SMYD3: variants seen among roughly 807,000 people sequenced by gnomAD.
SMYD3 encodes the protein histone-lysine N-methyltransferase SMYD3.
SMYD3 carries 36 observed loss-of-function variants against 57.7 expected under a neutral mutation model. The observed-to-expected ratio is 0.62, with a 90% CI of 0.48 to 0.82. The LOEUF (loss-of-function observed/expected upper bound fraction) is 0.82. Ranked by LOEUF, SMYD3 falls within the 40% of genes least tolerant of loss-of-function variation. SMYD3 has a pLI of 0.00. For synonymous variants in SMYD3, 211 were observed against 195.0 expected (o/e 1.08, Z -0.68); for missense variants, 515 against 538.8 (o/e 0.96, Z 0.44).
At chr1:245,766,894 A>G (rs1232580298) in intron 10 of SMYD3, among the ~76,000 whole-genome samples, 1 of 152,228 alleles carries the variant, frequency 6.6e-6, no homozygotes, top group Non-Finnish European at 1.5e-5. Flanking sequence ...AAAGGAGAGC[A>G]TGAGGAAGCG....
chr1:245,961,013 C>A (rs927088048), intron 5 of SMYD3, among the ~76,000 whole-genome samples: 2 of 152,204 alleles, frequency 1.3e-5, no homozygotes, highest in Non-Finnish European at 2.9e-5. Flanking sequence ...CCTTCTCCCC[C>A]AAATCAATTC....
chr1:246,164,362 G>A (rs1572136979), intron 5 of SMYD3, among the ~76,000 whole-genome samples: 1 of 152,220 alleles, frequency 6.6e-6, no homozygotes, highest in South Asian at 2.1e-4. Flanking sequence ...GGAGGTTGCA[G>A]TGAGCTGCGA....
intron 1 of SMYD3, among the ~76,000 whole-genome samples, chr1:246,430,913 G>A (rs959790891): frequency 2.0e-5 from 3 of 152,148 alleles, no homozygotes; most frequent in African/African-American, 2.4e-5. Context: ...AACCAGGAAC[G>A]TGGGAAAAGA....
chr1:246,060,889 C>T (rs2060241199), intron 5 of SMYD3, among the ~76,000 whole-genome samples: 1 of 152,186 alleles, frequency 6.6e-6, no homozygotes. Context: ...CCTTTTCATT[C>T]CTAACAGAAT....
chr1:245,786,093 T>TTA (rs35256221), intron 10 of SMYD3, among the ~76,000 whole-genome samples: 5,241 of 140,152 alleles, frequency 0.037, 401 homozygotes, highest in African/African-American at 0.14. Context: ...TTTTTTTTTT[T>TTA]AAAAAGCAAT....
intron 5 of SMYD3, among the ~76,000 whole-genome samples, chr1:246,221,612 C>T (rs3949218): frequency 0.088 from 13,374 of 152,186 alleles, 1,039 homozygotes; most frequent in East Asian, 0.24. Context: ...ACGGGAAAGC[C>T]GCTTGCAGTG....
At chr1:246,148,592 C>T (rs1160631732) in intron 5 of SMYD3, among the ~76,000 whole-genome samples, 1 of 152,146 alleles carries the variant, frequency 6.6e-6, no homozygotes, top group Non-Finnish European at 1.5e-5. Context: ...CCGAAGATCA[C>T]ATAACACTAT....
intron 1 of SMYD3, among the ~76,000 whole-genome samples, chr1:246,490,307 T>A (rs2068249800): frequency 1.3e-5 from 2 of 152,276 alleles, no homozygotes; most frequent in East Asian, 3.9e-4. Context: ...GTAATAATAA[T>A]CAAGAGAAGG....
At chr1:246,251,151 T>G (rs1294202641) in intron 5 of SMYD3, among the ~76,000 whole-genome samples, 1 of 152,212 alleles carries the variant, frequency 6.6e-6, no homozygotes, top group Non-Finnish European at 1.5e-5. Context: ...AACATTGATT[T>G]GACTGGGTGA....
chr1:246,032,051 G>A (rs1190895521), intron 5 of SMYD3, among the ~76,000 whole-genome samples: 1 of 151,994 alleles, frequency 6.6e-6, no homozygotes, highest in African/African-American at 2.4e-5. Context: ...TTCTCAAACT[G>A]CTTAATAAAA....
At chr1:246,019,780 C>G (rs985952243) in intron 5 of SMYD3, among the ~76,000 whole-genome samples, 6 of 151,928 alleles carry the variant, frequency 3.9e-5, no homozygotes, top group African/African-American at 1.4e-4. Flanking sequence ...TATATACATA[C>G]ATATATATAA....
chr1:246,280,351 A>G (rs1456091085), intron 5 of SMYD3, among the ~76,000 whole-genome samples: 2 of 152,260 alleles, frequency 1.3e-5, no homozygotes, highest in Non-Finnish European at 2.9e-5. Context: ...AGCACTTGTC[A>G]GTACAAGCCA....
intron 5 of SMYD3, among the ~76,000 whole-genome samples, chr1:246,195,473 T>TA (rs2062816397): frequency 6.6e-6 from 1 of 152,158 alleles, no homozygotes; most frequent in Non-Finnish European, 1.5e-5. Context: ...ACCTACAAGG[T>TA]AATACATCAT....
At chr1:245,963,997 C>A (rs2058076204) in intron 5 of SMYD3, among the ~76,000 whole-genome samples, 1 of 152,114 alleles carries the variant, frequency 6.6e-6, no homozygotes, top group Non-Finnish European at 1.5e-5. Flanking sequence ...GGCTAATTTT[C>A]AAAGAAAAGA....
At chr1:245,883,482 C>T (rs4654148) in intron 8 of SMYD3, among the ~76,000 whole-genome samples, 88,758 of 151,968 alleles carry the variant, frequency 0.58, 29,662 homozygotes, top group Non-Finnish European at 0.77. Context: ...TTTTTAAATT[C>T]ATTCTCACTT....
Position 245,940,566 on chromosome 1 carries a change from A to AAAACG in SMYD3, c.532-10630_532-10629insCGTTT, listed in dbSNP as rs2057195174. On this transcript the variant is annotated intron_variant, in intron 5 of 11. Transcript: ENST00000490107. Reference sequence around the variant, plus strand: ...ATGGAAGAGGGTCTTGACTGTTAAAAAAACAAAACAAAACAAAACAAAAAA... The same window carrying AAAACG: ...ATGGAAGAGGGTCTTGACTGTTAAAAAAACGAAACAAAACAAAACAAAACAAAAAA... Among the ~76,000 whole-genome samples, 3 of 33,278 alleles carry AAAACG rather than the reference A, an allele frequency of 9.0e-5. No homozygotes were observed. The South Asian group carries it at 4.6e-3, about 51-fold the overall frequency. The allele number at this position is 33,278 out of a possible 152,430, so 21.8% of individuals were successfully genotyped here. A position where few individuals can be genotyped will look rare whatever the true frequency, so the allele number is the denominator to read the frequency against.
At chr1:246,163,350 T>C (rs2062153498) in intron 5 of SMYD3, among the ~76,000 whole-genome samples, 1 of 152,254 alleles carries the variant, frequency 6.6e-6, no homozygotes, top group Non-Finnish European at 1.5e-5. Flanking sequence ...CACGTCTTTA[T>C]AACACTGCTA....
chr1:245,783,218 A>T (rs1233235364), intron 10 of SMYD3, among the ~76,000 whole-genome samples: 1 of 152,142 alleles, frequency 6.6e-6, no homozygotes, highest in Non-Finnish European at 1.5e-5. Context: ...GCCTTCACAG[A>T]AGTACATTCT....
rs964375674 is a variant in SMYD3 at position 246,092,107 on chromosome 1, G to A, written c.532-162170C>T. Among the ~76,000 whole-genome samples the A allele has an allele frequency of 3.9e-5, 6 of 152,072 alleles. No homozygotes were observed. The South Asian group carries it at 1.2e-3, about 32-fold the overall frequency. ...TTACTTTAAGAAAAAAGTCAATTTA[G>A]ACTAAAGGCCATGTATGTGGTATTA... On this transcript the variant is annotated intron_variant, in intron 5 of 11. Transcript: ENST00000490107.
Sources: gnomAD v4.1 joint callset for allele counts (sites outside exome capture counted in the v4.1 genomes callset) on GRCh38, gnomAD v4.1.1 for gene constraint, MANE v1.5 for transcripts, NCBI Gene and HGNC (gene_info 2026-07-23, HGNC 2026-07-21) for gene names.